DFFB: variants seen among roughly 807,000 people sequenced by gnomAD.
DFFB encodes DNA fragmentation factor subunit beta.
DFFB carries 29 observed loss-of-function variants against 32.7 expected under a neutral mutation model. The ratio of observed to expected loss-of-function variants is 0.89; its 90% CI spans 0.66 to 1.21. The LOEUF (loss-of-function observed/expected upper bound fraction) is 1.21. Ranked by LOEUF, DFFB falls within the 50% of genes most tolerant of loss-of-function variation. The pLI, the probability that DFFB is intolerant of heterozygous loss-of-function variation, is 0.00. For synonymous variants in DFFB, 170 were observed against 177.1 expected (o/e 0.96, Z 0.32); for missense variants, 398 against 440.6 (o/e 0.90, Z 0.87).
chr1:3,881,422 T>G (rs1645335256), intron 6 of DFFB, among the ~76,000 whole-genome samples: 2 of 152,352 alleles, frequency 1.3e-5, no homozygotes, highest in South Asian at 2.1e-4. Context: ...GGCAGGGGTC[T>G]CGGTCCCACC....
chr1:3,862,744 G>T (rs1644901740), intron 2 of DFFB, among the ~76,000 whole-genome samples: 1 of 152,126 alleles, frequency 6.6e-6, no homozygotes, highest in Non-Finnish European at 1.5e-5. Context: ...GCCCTTAGAA[G>T]AAAACATAGC....
intron 1 of DFFB, among the ~76,000 whole-genome samples, chr1:3,857,970 A>C (rs1644788081): frequency 6.6e-6 from 1 of 152,310 alleles, no homozygotes. Context: ...ACAGCCCTGC[A>C]TCAGAGCTAG....
intron 2 of DFFB, among the ~76,000 whole-genome samples, chr1:3,861,153 C>CAA (rs56961503): frequency 0.21 from 25,424 of 122,438 alleles, 3,045 homozygotes; most frequent in Non-Finnish European, 0.25. Context: ...GACTCCATCT[C>CAA]AAAAAAAAAA....
At chr1:3,868,572 A>G (rs1446443619) in intron 4 of DFFB, among the ~76,000 whole-genome samples, 1 of 151,818 alleles carries the variant, frequency 6.6e-6, no homozygotes, top group Non-Finnish European at 1.5e-5. Context: ...TCCTCATCAC[A>G]TAGCATGACA....
chr1:3,879,021 C>T, intron 6 of DFFB, among the ~76,000 whole-genome samples: 1 of 152,214 alleles, frequency 6.6e-6, no homozygotes, highest in East Asian at 1.9e-4. Context: ...AGATACCTAC[C>T]TTCAGTACTT....
rs1481977576 is a variant in DFFB at position 3,865,748 on chromosome 1, T to G, written c.242-64T>G. The G allele has an allele frequency of 6.2e-7, 1 of 1,613,642 alleles. No homozygotes were observed. Among genetic ancestry groups the G allele is most frequent in the African/African-American group, 1.3e-5 (1 of 74,894 alleles). On this transcript the variant is annotated intron_variant, in intron 2 of 6. Coordinates refer to ENST00000378209, the MANE Select transcript of DFFB (RefSeq NM_004402.4). This position sits in a 1 kb window ranked among gnomAD's most constrained non-coding sequence, Gnocchi z 4.7. ...GGAAGATGTGGTCAGAGGCTCTTCT[T>G]GTGACCGGGGCAGGATGTGTCTTCT...
intron 6 of DFFB, among the ~76,000 whole-genome samples, chr1:3,875,933 C>T (rs1166961445): frequency 6.6e-6 from 1 of 152,136 alleles, no homozygotes; most frequent in Non-Finnish European, 1.5e-5. Context: ...TGCACCACCA[C>T]ACCCGGCTAA....
At chr1:3,882,656 C>A (rs551994355) in intron 6 of DFFB, among the ~76,000 whole-genome samples, 1 of 152,028 alleles carries the variant, frequency 6.6e-6, no homozygotes, top group African/African-American at 2.4e-5. Flanking sequence ...TGAGCCACTG[C>A]GCCTGGCCTC....
At chr1:3,869,908 C>T in intron 5 of DFFB, 133 bp downstream of exon 5, 1 of 952,064 alleles carries the variant, frequency 1.1e-6, no homozygotes, top group South Asian at 1.9e-5. Flanking sequence ...ACAGCCCTCA[C>T]ATTCCCAGGG....
chr1:3,873,649 T>G (rs1429445101), intron 6 of DFFB, among the ~76,000 whole-genome samples: 3 of 152,032 alleles, frequency 2.0e-5, no homozygotes, highest in Non-Finnish European at 2.9e-5. Flanking sequence ...CCAGCTAATT[T>G]TGTATTTTTA....
At position 3,865,617 on chromosome 1, in the gene DFFB, A is replaced by G; in HGVS notation, c.242-195A>G. The stretch of plus-strand genomic sequence containing the variant: ...CCCTGCCCCTCCCTCCTCTGTCCTC[A>G]TGCCGCCCTTGTGCGTGGTCCCCAG... On this transcript the variant is annotated intron_variant, in intron 2 of 6. Transcript: ENST00000378209. The surrounding 1 kb of genome is among the most constrained non-coding windows in gnomAD (Gnocchi z 4.7). The G allele has an allele frequency of 1.3e-6, 1 of 791,108 alleles. No homozygotes were observed. The highest frequency in any genetic ancestry group is 2.2e-6 in the Non-Finnish European group (1 of 452,288). 49.0% of individuals were successfully genotyped at this position (791,108 alleles called of 1,614,324 possible).
In DFFB at chr1:3,868,049, G is replaced by C. The variant is rs761503584; in HGVS notation, c.506G>C (p.Arg169Thr). The C allele has an allele frequency of 1.3e-5, 21 of 1,613,938 alleles. No homozygotes were observed. Among genetic ancestry groups the C allele is most frequent in the Non-Finnish European group, 1.8e-5 (21 of 1,179,962 alleles). Residue 169 changes from arginine (R) to threonine (T), a missense_variant, in exon 4 of 7, where the codon AGG becomes ACG. Arg to Thr is a moderately conservative substitution (Grantham distance 71). Transcript: ENST00000378209. ...SCESRIRSYL[R>T]EVSSYPSTVG... is the part of the protein sequence containing the mutation. ...GAGAGCCGGATCCGGAGTTACCTGAGGGAGGTGAGCCTGAGTGAAGACCGG... is the reference window on the plus strand; with the variant it reads ...GAGAGCCGGATCCGGAGTTACCTGACGGAGGTGAGCCTGAGTGAAGACCGG...
In DFFB at chr1:3,872,523, A is replaced by G. The variant is rs146190593; in HGVS notation, c.733A>G (p.Ser245Gly). Residue 245 changes from serine (S) to glycine (G), a missense_variant, in exon 6 of 7, where the codon AGT becomes GGT. Ser to Gly is a moderately conservative substitution (Grantham distance 56, BLOSUM62 0). Coordinates refer to ENST00000378209, the MANE Select transcript of DFFB (RefSeq NM_004402.4). ...CLSRHSINPY[S>G]NRESRILFST... ...ATCAAGACACTCCATCAACCCCTAC[A>G]GTAACAGGGAGAGCAGGATCCTCTT... 5.0e-4 allele frequency: 799 copies of G among 1,614,026 alleles called. No individual in the cohort carries two copies. Among genetic ancestry groups the G allele is most frequent in the Non-Finnish European group, 6.5e-4 (768 of 1,179,988 alleles).
At chr1:3,866,053 C>G in intron 3 of DFFB, 53 bp downstream of exon 3, 3 of 1,422,626 alleles carry the variant, frequency 2.1e-6, no homozygotes, top group Non-Finnish European at 2.8e-6. Flanking sequence ...GCCTGAGGTG[C>G]CAGAAGAAGT....
chr1:3,864,092 G>T (rs576660297), intron 2 of DFFB, among the ~76,000 whole-genome samples: 1 of 151,838 alleles, frequency 6.6e-6, no homozygotes, highest in African/African-American at 2.4e-5. Context: ...TCAGCCTCCC[G>T]AGTAGCTGGG....
Position 3,858,576 on chromosome 1 carries a change from G to T in DFFB, c.115-142G>T, listed in dbSNP as rs564690345. Reference sequence around the variant, plus strand: ...CCCGCTCCCTCATCCTTGCCTGGGCGTTGGAGCGACTGTGGCATACAGGCG... The same window carrying T: ...CCCGCTCCCTCATCCTTGCCTGGGCTTTGGAGCGACTGTGGCATACAGGCG... On this transcript the variant is annotated intron_variant, in intron 1 of 6. Transcript: ENST00000378209. 7 of 1,042,414 alleles carry T rather than the reference G, an allele frequency of 6.7e-6. No homozygotes were observed. The African/African-American group carries it at 9.6e-5, about 14-fold the overall frequency. 64.6% of individuals were successfully genotyped at this position (1,042,414 alleles called of 1,614,324 possible).
chr1:3,866,329 C>T, intron 3 of DFFB: 1 of 399,806 alleles, frequency 2.5e-6, no homozygotes, highest in Non-Finnish European at 4.9e-6. Flanking sequence ...ACCTCTGCCT[C>T]CCTGCACCCT....
chr1:3,862,916 G>A (rs1354806175), intron 2 of DFFB, among the ~76,000 whole-genome samples: 1 of 152,268 alleles, frequency 6.6e-6, no homozygotes, highest in African/African-American at 2.4e-5. Flanking sequence ...TTGGGAGGCC[G>A]AGACGGGCAG....
At chr1:3,875,673 G>C (rs548287326) in intron 6 of DFFB, among the ~76,000 whole-genome samples, 2 of 152,304 alleles carry the variant, frequency 1.3e-5, no homozygotes, top group East Asian at 1.9e-4. Flanking sequence ...TGTGTCTTCT[G>C]TGTTTCTTTC....
Sources: allele counts gnomAD v4.1 joint callset (sites outside exome capture counted in the v4.1 genomes callset), GRCh38; gene constraint gnomAD v4.1.1; non-coding constraint Gnocchi (gnomAD v3.1); transcripts MANE v1.5; gene names NCBI Gene and HGNC (gene_info 2026-07-23, HGNC 2026-07-21).